MROH2A: variants seen among roughly 807,000 people sequenced by gnomAD.
The protein encoded by MROH2A is maestro heat-like repeat-containing protein family member 2A.
In MROH2A, 174 loss-of-function variants were observed where a neutral mutation model predicts 200.4. That is an observed-to-expected ratio of 0.87 (90% CI 0.77 to 0.98). The LOEUF (loss-of-function observed/expected upper bound fraction) is 0.98. Among genes scored for constraint, MROH2A ranks in the 50% least tolerant of loss-of-function variants. The pLI is 0.00. For missense variants in MROH2A, 2,045 were observed against 2,139.6 expected, an observed-to-expected ratio of 0.96 and a Z score of 0.87; for synonymous variants, 829 against 840.4, an observed-to-expected ratio of 0.99 and a Z score of 0.23.
intron 28 of MROH2A, 136 bp downstream of exon 28, chr2:233,818,261 C>A: frequency 9.1e-7 from 1 of 1,096,526 alleles, no homozygotes; most frequent in Non-Finnish European, 1.3e-6. Context: ...CACAGGTGAC[C>A]ATCAGAGGGA....
At chr2:233,789,677 T>C in intron 4 of MROH2A, 49 bp downstream of exon 4, 2 of 1,441,916 alleles carry the variant, frequency 1.4e-6, no homozygotes, top group Non-Finnish European at 1.8e-6. Context: ...GCCCAGGAGC[T>C]GGGCCACGGG....
intron 35 of MROH2A, among the ~76,000 whole-genome samples, chr2:233,826,330 G>A (rs1054579757): frequency 1.1e-4 from 17 of 152,130 alleles, no homozygotes; most frequent in African/African-American, 3.9e-4. Flanking sequence ...TATACTATAA[G>A]GCTACAGTAA....
rs1701929527 is a variant in MROH2A, at chr2:233,793,680, G to C, written c.678G>C (p.Glu226Asp). 3 of 1,405,964 alleles carry C rather than the reference G, an allele frequency of 2.1e-6. No homozygotes were observed. The East Asian group carries it at 8.8e-5, about 41-fold the overall frequency. 87.1% of individuals were successfully genotyped at this position (1,405,964 alleles called of 1,614,324 possible). A position where few individuals can be genotyped will look rare whatever the true frequency, so the allele number is the denominator to read the frequency against. ...KIRQAICSAM[E>D]TFCETVQFYL... is the part of the protein sequence containing the mutation. ...CCCTGTTGCTGTTGGTAGCCATGGA[G>C]ACCTTCTGTGAGACGGTGCAGTTTT... Residue 226 changes from glutamate to aspartate, a missense_variant, in exon 7 of 42, where the codon GAG (glutamate) becomes GAC (aspartate). Glu to Asp is a conservative substitution (Grantham distance 45). This residue lies in a region of MROH2A where 831 missense variants were observed against 800.0 expected (regional missense o/e 1.04). Transcript: ENST00000389758.
At chr2:233,832,811 G>A (rs1704872002) in intron 41 of MROH2A, among the ~76,000 whole-genome samples, 167 bp downstream of exon 41, 1 of 152,158 alleles carries the variant, frequency 6.6e-6, no homozygotes, top group African/African-American at 2.4e-5. Flanking sequence ...GCCTTTCCAG[G>A]ACGACAGCTA....
intron 24 of MROH2A, 151 bp from the exon 25 acceptor site, chr2:233,813,519 C>G (rs531266667): frequency 1.7e-6 from 1 of 595,784 alleles, no homozygotes; most frequent in Non-Finnish European, 3.0e-6. Flanking sequence ...GAGCCAGGGC[C>G]CCTGGGGAGG....
chr2:233,797,680 A>G lies in MROH2A; in HGVS notation c.1253-1094A>G, dbSNP rs982566316. 1.1e-4 allele frequency among the ~76,000 whole-genome samples: 17 copies of G among 152,046 alleles called. 1 individual carries two copies. Among genetic ancestry groups the G allele is most frequent in the Admixed American group, 9.2e-4 (14 of 15,266 alleles). Reference sequence around the variant, plus strand: ...TTTAATTTTGCAATGAACATATGCTATTTTTTCTTTCATTCAGGGAAATTA... The same window carrying G: ...TTTAATTTTGCAATGAACATATGCTGTTTTTTCTTTCATTCAGGGAAATTA... On this transcript the variant is annotated intron_variant, in intron 11 of 41. Transcript: ENST00000389758.
Position 233,798,840 on chromosome 2 carries a change from C to A in MROH2A, c.1319C>A (p.Thr440Asn), listed in dbSNP as rs1238077180. The A allele has an allele frequency of 6.5e-7, 1 of 1,550,302 alleles. No individual in the cohort carries two copies. The highest frequency in any genetic ancestry group is 8.7e-7 in the Non-Finnish European group (1 of 1,146,774). Residue 440 changes from threonine (T) to asparagine (N), a missense_variant, in exon 12 of 42, where the codon ACC becomes AAC. Physicochemically the swap from Thr to Asn is moderately conservative, Grantham distance 65. Coordinates refer to ENST00000389758, the MANE Select transcript of MROH2A (RefSeq NM_001394639.1). ...GTAGTCAAGAACACCATCTCTGATA[C>A]CCGGTCCAAGGTAACAGGGCAGAGA... ...IRVVKNTISD[T>N]RSKVRMAILH...
chr2:233,807,829 C>T lies in MROH2A; in HGVS notation c.2269C>T (p.Gln757Ter), dbSNP rs1164082438. ...DFEERIQESE[Q>*]SWQISAWRKD... The stretch of plus-strand genomic sequence containing the variant: ...CGAGGAGAGGATCCAGGAGTCAGAG[C>T]AGTCCTGGCAGATCAGTGCTTGGCG... The change falls in exon 21 of 42, where the codon CAG becomes TAG. Residue 757 changes from glutamine to a stop codon, truncating the protein, a stop_gained. Coordinates refer to ENST00000389758, the MANE Select transcript of MROH2A (RefSeq NM_001394639.1). LOFTEE classifies it high-confidence loss of function. This position sits in a 1 kb window ranked among gnomAD's most constrained non-coding sequence, Gnocchi z 4.3. The T allele has an allele frequency of 5.2e-6, 8 of 1,550,898 alleles. No homozygotes were observed. In the African/African-American group the frequency reaches 6.8e-5, roughly 13 times the overall value.
intron 27 of MROH2A, among the ~76,000 whole-genome samples, chr2:233,817,790 C>G (rs1357683157): frequency 6.6e-6 from 1 of 152,262 alleles, no homozygotes; most frequent in Non-Finnish European, 1.5e-5. Flanking sequence ...CCAGGGCCCA[C>G]AGATCCAGGC....
intron 39 of MROH2A, among the ~76,000 whole-genome samples, chr2:233,831,932 G>A (rs1704786267): frequency 6.6e-6 from 1 of 152,212 alleles, no homozygotes; most frequent in South Asian, 2.1e-4. Context: ...TTGAAGTGCT[G>A]CAGGGTTACA....
chr2:233,799,503 C>G (rs554404895), intron 12 of MROH2A, among the ~76,000 whole-genome samples: 21 of 152,176 alleles, frequency 1.4e-4, no homozygotes, highest in African/African-American at 4.6e-4. Context: ...GATGGGCTCC[C>G]CACGGCAAGG....
At chr2:233,822,585 A>AGCAG in intron 33 of MROH2A, 29 bp downstream of exon 33, 1 of 1,542,072 alleles carries the variant, frequency 6.5e-7, no homozygotes, top group South Asian at 1.2e-5. Flanking sequence ...GGTGCAAGGC[A>AGCAG]GCAGGCCTGG....
chr2:233,801,997 C>A (rs1024820343), intron 14 of MROH2A, among the ~76,000 whole-genome samples, 171 bp from the exon 15 acceptor site: 10 of 152,176 alleles, frequency 6.6e-5, no homozygotes, highest in African/African-American at 2.4e-4. Context: ...ACTTAAATGC[C>A]CCTGACAAAG....
chr2:233,779,234 T>C, intron 1 of MROH2A, 111 bp from the exon 2 acceptor site: 1 of 674,430 alleles, frequency 1.5e-6, no homozygotes, highest in South Asian at 1.8e-5. Flanking sequence ...AGTCACAGGT[T>C]CCACCCACAC....
intron 35 of MROH2A, among the ~76,000 whole-genome samples, chr2:233,825,921 C>CTTTTTTT (rs34849761): frequency 6.2e-4 from 59 of 95,252 alleles, no homozygotes; most frequent in African/African-American, 2.2e-3. Flanking sequence ...TTTCTTTTTC[C>CTTTTTTT]TTTTTTTTTT....
Position 233,802,281 on chromosome 2 carries a change from T to A in MROH2A, c.1674T>A (p.Asp558Glu), listed in dbSNP as rs535612531. ...CAGAACACCAGCTCCATGGCCAGGATGTGGATGTCAGCGTGGCTGGCAAGA... is the reference window on the plus strand; with the variant it reads ...CAGAACACCAGCTCCATGGCCAGGAAGTGGATGTCAGCGTGGCTGGCAAGA... ...NLAEHQLHGQ[D>E]VDVSVAGKSR... The change falls in exon 15 of 42, where the codon GAT becomes GAA. Residue 558 changes from aspartate to glutamate, a missense_variant. Physicochemically the swap from Asp to Glu is conservative, Grantham distance 45. Around this residue, in one of 3 missense-constraint regions of MROH2A, gnomAD observed 831 missense variants for 800.0 expected, o/e 1.04. Transcript: ENST00000389758. 6 of 1,550,370 alleles carry A rather than the reference T, an allele frequency of 3.9e-6. No homozygotes were observed. Among genetic ancestry groups the A allele is most frequent in the Non-Finnish European group, 5.2e-6 (6 of 1,146,856 alleles).
rs1431100825 is a variant in MROH2A, at chr2:233,817,983, A to G, written c.2962-19A>G. The G allele has an allele frequency of 6.4e-7, 1 of 1,550,624 alleles. No homozygotes were observed. Among genetic ancestry groups the G allele is most frequent in the Non-Finnish European group, 8.7e-7 (1 of 1,146,970 alleles). On this transcript the variant is annotated intron_variant, in intron 27 of 41. Coordinates refer to ENST00000389758, the MANE Select transcript of MROH2A (RefSeq NM_001394639.1). Reference sequence around the variant, plus strand: ...ATGAGAGCACAGAGGTGTGAGCCCCACGGTCTCCTGTCCCTCAGATCCACC... The same window carrying G: ...ATGAGAGCACAGAGGTGTGAGCCCCGCGGTCTCCTGTCCCTCAGATCCACC...
chr2:233,800,227 A>T lies in MROH2A; in HGVS notation c.1472A>T (p.Tyr491Phe), dbSNP rs1382107095. Residue 491 changes from tyrosine (Y) to phenylalanine (F), a missense_variant, in exon 14 of 42, where the codon TAT (tyrosine) becomes TTT (phenylalanine). This residue lies in a region of MROH2A where 831 missense variants were observed against 800.0 expected (regional missense o/e 1.04). Transcript: ENST00000389758. ...YKLTNRREKF[Y>F]QRDLEERMVH... ...CAGACAAATCGCCGGGAGAAGTTTT[A>T]TCAGAGGGACTTGGAGGAGAGGATG... 1.3e-6 allele frequency: 2 copies of T among 1,549,748 alleles called. No individual in the cohort carries two copies. Among genetic ancestry groups the T allele is most frequent in the Non-Finnish European group, 1.7e-6 (2 of 1,146,592 alleles).
chr2:233,780,733 C>G (rs575616269), intron 3 of MROH2A, among the ~76,000 whole-genome samples: 6 of 152,248 alleles, frequency 3.9e-5, no homozygotes, highest in African/African-American at 1.4e-4. Flanking sequence ...CTTTGTGTTG[C>G]AAGCATTCAA....
Sources: allele counts gnomAD v4.1 joint callset (sites outside exome capture counted in the v4.1 genomes callset), GRCh38; gene constraint gnomAD v4.1.1; regional missense constraint gnomAD v4.1.1; non-coding constraint Gnocchi (gnomAD v3.1); transcripts MANE v1.5; gene names NCBI Gene and HGNC (gene_info 2026-07-23, HGNC 2026-07-21).